Variants in TRIO observed in about 807,000 individuals in gnomAD.
The protein encoded by TRIO is triple functional domain protein.
A neutral mutation model predicts 351.9 loss-of-function variants in TRIO; 58 were observed. The observed-to-expected ratio is 0.16, with a 90% CI of 0.13 to 0.21. The LOEUF (loss-of-function observed/expected upper bound fraction) is 0.21. Among genes scored for constraint, TRIO ranks in the 10% least tolerant of loss-of-function variants. TRIO has a pLI of 1.00. For missense variants in TRIO, 3,201 were observed against 4,027.8 expected, an observed-to-expected ratio of 0.79 and a Z score of 5.56; for synonymous variants, 1,758 against 1,595.7, an observed-to-expected ratio of 1.10 and a Z score of -2.42.
intron 11 of TRIO, among the ~76,000 whole-genome samples, chr5:14,342,231 C>T (rs1290972905): frequency 3.3e-5 from 5 of 152,240 alleles, no homozygotes; most frequent in African/African-American, 1.2e-4. Flanking sequence ...TCCTCTGACC[C>T]TCAGGTCCTC....
intron 1 of TRIO, among the ~76,000 whole-genome samples, chr5:14,153,830 T>C (rs1787961753): frequency 6.6e-6 from 1 of 152,220 alleles, no homozygotes; most frequent in Admixed American, 6.5e-5. Context: ...TCCTGGATTT[T>C]CATTTTAAAA....
intron 2 of TRIO, among the ~76,000 whole-genome samples, chr5:14,275,240 G>A (rs1003946361): frequency 6.6e-6 from 1 of 152,174 alleles, no homozygotes; most frequent in Non-Finnish European, 1.5e-5. Context: ...TATTAGCACA[G>A]TATATGACTA....
chr5:14,201,284 AT>A (rs1791092397), intron 1 of TRIO, among the ~76,000 whole-genome samples: 1 of 152,208 alleles, frequency 6.6e-6, no homozygotes, highest in South Asian at 2.1e-4. Context: ...TAAATAAAAA[AT>A]AAAACGTTCT....
Position 14,497,865 on chromosome 5 carries a change from A to G in TRIO, c.8038A>G (p.Ile2680Val), listed in dbSNP as rs1257364977. The change falls in exon 51 of 57, where the codon ATT becomes GTT. Residue 2680 changes from isoleucine (I) to valine (V), a missense_variant. Ile to Val is a conservative substitution (Grantham distance 29). This residue lies in a region of TRIO where 1,089 missense variants were observed against 954.9 expected (regional missense o/e 1.14). Coordinates refer to ENST00000344204, the MANE Select transcript of TRIO (RefSeq NM_007118.4). This position sits in a 1 kb window ranked among gnomAD's most constrained non-coding sequence, Gnocchi z 4.4. ...ATTTCAGCTTCTCAATCCCAACTAC[A>G]TTTATGACGGTGAGTTCTGTTCTTT... ...VSVKLLNPNY[I>V]YDVPPEFVIP... 2.5e-6 allele frequency: 4 copies of G among 1,614,200 alleles called. No homozygotes were observed. In the South Asian group the frequency reaches 4.4e-5, roughly 18 times the overall value.
intron 9 of TRIO, among the ~76,000 whole-genome samples, chr5:14,328,905 C>G (rs965634489): frequency 3.9e-5 from 6 of 152,116 alleles, no homozygotes; most frequent in African/African-American, 1.4e-4. Context: ...TCAGTGCCTG[C>G]CAGTTCTAGA....
intron 27 of TRIO, 27 bp from the exon 28 acceptor site, chr5:14,394,011 C>T: frequency 1.3e-6 from 2 of 1,536,884 alleles, no homozygotes; most frequent in Non-Finnish European, 9.0e-7. Flanking sequence ...TATGATAACT[C>T]TTGTTTCTTG....
chr5:14,195,135 A>G (rs1045631706), intron 1 of TRIO, among the ~76,000 whole-genome samples: 1 of 152,162 alleles, frequency 6.6e-6, no homozygotes, highest in Non-Finnish European at 1.5e-5. Context: ...CCAGGTGCCC[A>G]TTAATGTTCT....
chr5:14,266,227 AT>A lies in TRIO; in HGVS notation c.158-4592del, dbSNP rs560275526. The stretch of plus-strand genomic sequence containing the variant: ...GTGTGCACCACTGCTCCTGGCTAAT[AT>A]TTTTTCGTATTTTAGTAGAGATGGG... On this transcript the variant is annotated intron_variant, in intron 1 of 56. Coordinates refer to ENST00000344204, the MANE Select transcript of TRIO (RefSeq NM_007118.4). Among the ~76,000 whole-genome samples, 7 of 151,790 alleles carry A rather than the reference AT, an allele frequency of 4.6e-5. No homozygotes were observed. The East Asian group carries it at 5.8e-4, about 13-fold the overall frequency.
chr5:14,192,804 TTAAAA>T (rs1378225955), intron 1 of TRIO, among the ~76,000 whole-genome samples: 16 of 152,330 alleles, frequency 1.1e-4, no homozygotes, highest in East Asian at 9.6e-4. Context: ...TGGACTGCCC[TTAAAA>T]TAAAAAATTC....
chr5:14,320,122 T>TA (rs72537711), intron 9 of TRIO, among the ~76,000 whole-genome samples: 152,325 of 152,326 alleles, frequency 1, 76,162 homozygotes, highest in Non-Finnish European at 1. Context: ...AATGATCAGA[T>TA]ATATACATCT....
chr5:14,331,300 G>A (rs767994435), intron 10 of TRIO, among the ~76,000 whole-genome samples: 21 of 152,294 alleles, frequency 1.4e-4, no homozygotes, highest in Non-Finnish European at 2.9e-4. Context: ...GGAGCCGGGA[G>A]TCCAGTGTGT....
intron 1 of TRIO, among the ~76,000 whole-genome samples, chr5:14,267,765 G>GTT (rs150627840): frequency 2.2e-4 from 33 of 148,812 alleles, no homozygotes; most frequent in African/African-American, 6.4e-4. Flanking sequence ...TTGCTTATTG[G>GTT]TTTTTTTTTT....
chr5:14,254,333 G>A lies in TRIO; in HGVS notation c.158-16492G>A, dbSNP rs573909673. Among the ~76,000 whole-genome samples the A allele has an allele frequency of 3.4e-4, 52 of 152,190 alleles. No homozygotes were observed. The East Asian group carries it at 9.9e-3, about 29-fold the overall frequency. Reference sequence around the variant, plus strand: ...CAAGTAGCTGGGATTACAGGCGCCCGGCTAATTTTTGTATTTTTAGTAGAG... The same window carrying A: ...CAAGTAGCTGGGATTACAGGCGCCCAGCTAATTTTTGTATTTTTAGTAGAG... On this transcript the variant is annotated intron_variant, in intron 1 of 56. Transcript: ENST00000344204.
chr5:14,316,505 GT>G lies in TRIO; in HGVS notation c.1501-7del. 6.2e-7 allele frequency: 1 copy of G among 1,613,566 alleles called. No homozygotes were observed. On this transcript the variant is annotated splice_polypyrimidine_tract_variant and splice_region_variant and intron_variant, in intron 8 of 56. Coordinates refer to ENST00000344204, the MANE Select transcript of TRIO (RefSeq NM_007118.4). ...TCGTGAAGAATCACTCATTTCTTTTGTGGGCAGGTCAGCCAAGATGGGAAGT... is the reference window on the plus strand; with the variant it reads ...TCGTGAAGAATCACTCATTTCTTTTGGGGCAGGTCAGCCAAGATGGGAAGT...
At position 14,304,474 on chromosome 5, in the gene TRIO, T is replaced by C. The variant is rs1271035905; in HGVS notation, c.1382T>C (p.Val461Ala). 1 of 1,610,686 alleles carries C rather than the reference T, an allele frequency of 6.2e-7. No individual in the cohort carries two copies. Among genetic ancestry groups the C allele is most frequent in the Non-Finnish European group, 8.5e-7 (1 of 1,179,348 alleles). ...TAACCTTCCAAGTATATGAGCAACG[T>C]GGATTCATGGTGTAAAGCTTGCGGT... Reference protein sequence around the residue: ...HQKAEKYMSNVDSWCKACGEV... With the variant: ...HQKAEKYMSNADSWCKACGEV... The change falls in exon 8 of 57, where the codon GTG (valine) becomes GCG (alanine). Residue 461 changes from valine to alanine, a missense_variant. By Grantham distance (64) the Val-to-Ala change is moderately conservative (BLOSUM62 0). This residue lies in a region of TRIO where 349 missense variants were observed against 449.3 expected (regional missense o/e 0.78). Coordinates refer to ENST00000344204, the MANE Select transcript of TRIO (RefSeq NM_007118.4).
intron 1 of TRIO, among the ~76,000 whole-genome samples, chr5:14,261,890 T>C (rs948535841): frequency 6.6e-6 from 1 of 152,248 alleles, no homozygotes; most frequent in African/African-American, 2.4e-5. Flanking sequence ...TGTGATTTTA[T>C]GTACTAATCA....
intron 29 of TRIO, among the ~76,000 whole-genome samples, chr5:14,398,006 AG>A (rs1747758345): frequency 6.6e-6 from 1 of 152,186 alleles, no homozygotes; most frequent in Admixed American, 6.5e-5. Flanking sequence ...GAAGAAAGTC[AG>A]GGAGGAAACT....
chr5:14,143,692 C>T lies in TRIO; in HGVS notation c.-34C>T, dbSNP rs1175762086. 2.1e-6 allele frequency: 2 copies of T among 970,002 alleles called. No homozygotes were observed. Among genetic ancestry groups the T allele is most frequent in the African/African-American group, 1.8e-5 (1 of 56,136 alleles). 60.1% of individuals were successfully genotyped at this position (970,002 alleles called of 1,614,324 possible). A position where few individuals can be genotyped will look rare whatever the true frequency, so the allele number is the denominator to read the frequency against. On this transcript the variant is annotated 5_prime_UTR_variant, in exon 1 of 57. Coordinates refer to ENST00000344204, the MANE Select transcript of TRIO (RefSeq NM_007118.4). The stretch of plus-strand genomic sequence containing the variant: ...CACGCGGCGCTAGGGGCGCGGGGCC[C>T]GAGGCGGGCGCGGCCGCGGGCGCCG...
At chr5:14,335,340 C>G (rs1384815418) in intron 10 of TRIO, among the ~76,000 whole-genome samples, 1 of 152,136 alleles carries the variant, frequency 6.6e-6, no homozygotes, top group African/African-American at 2.4e-5. Flanking sequence ...CATCTTACAT[C>G]TCTGAGAAGG....
Sources: gnomAD v4.1 joint callset for allele counts (sites outside exome capture counted in the v4.1 genomes callset) on GRCh38, gnomAD v4.1.1 for gene constraint, gnomAD v4.1.1 regional missense constraint, Gnocchi (gnomAD v3.1) non-coding constraint, MANE v1.5 for transcripts, NCBI Gene and HGNC (gene_info 2026-07-23, HGNC 2026-07-21) for gene names.